Variants in CAMTA1 observed in about 807,000 individuals in gnomAD.
CAMTA1 encodes the protein calmodulin binding transcription activator 1.
Under a neutral mutation model 170.9 loss-of-function variants are expected in CAMTA1, and 27 were observed. The ratio of observed to expected loss-of-function variants is 0.16; its 90% confidence interval spans 0.12 to 0.22. The LOEUF is 0.22. CAMTA1 is among the 10% of genes least tolerant of loss of function. CAMTA1 has a pLI of 1.00. For synonymous variants in CAMTA1, 833 were observed against 891.5 expected (o/e 0.93, Z 1.17); for missense variants, 1,619 against 2,217.2 (o/e 0.73, Z 5.42).
At chr1:7,088,536 C>G (rs1248098056) in intron 3 of CAMTA1, among the ~76,000 whole-genome samples, 1 of 152,204 alleles carries the variant, frequency 6.6e-6, no homozygotes, top group Non-Finnish European at 1.5e-5. Context: ...GTAGAGTAAA[C>G]ACAGAAGGCA....
chr1:7,100,003 C>T (rs1048940981), intron 4 of CAMTA1, among the ~76,000 whole-genome samples: 4 of 152,098 alleles, frequency 2.6e-5, no homozygotes, highest in Non-Finnish European at 2.9e-5. Flanking sequence ...TCAGTGTAGA[C>T]GTGGGACCCC....
At chr1:7,267,036 C>G (rs58498093) in intron 5 of CAMTA1, among the ~76,000 whole-genome samples, 2,140 of 152,218 alleles carry the variant, frequency 0.014, 50 homozygotes, top group African/African-American at 0.049. Flanking sequence ...GGTAACTTTG[C>G]TTTATGCTGA....
chr1:7,456,142 T>C lies in CAMTA1; in HGVS notation c.439-11688T>C, dbSNP rs1278054665. ...CTGGTGAAGGGTGAGGGGGTACCCA[T>C]AACAGAGGGATGGAGGAAGGGAGGG... On this transcript the variant is annotated intron_variant, in intron 5 of 22. Transcript: ENST00000303635. The surrounding 1 kb of genome is among the most constrained non-coding windows in gnomAD (Gnocchi z 4.9). 7.2e-6 allele frequency among the ~76,000 whole-genome samples: 1 copy of C among 138,782 alleles called. No individual in the cohort carries two copies. Among genetic ancestry groups the C allele is most frequent in the East Asian group, 2.1e-4 (1 of 4,786 alleles). The allele number at this position is 138,782 out of a possible 152,430, so 91.0% of individuals were successfully genotyped here. A position where few individuals can be genotyped will look rare whatever the true frequency, so the allele number is the denominator to read the frequency against.
intron 3 of CAMTA1, among the ~76,000 whole-genome samples, chr1:6,844,321 CAAAT>C (rs1184704731): frequency 3.3e-5 from 5 of 152,028 alleles, no homozygotes; most frequent in African/African-American, 9.7e-5. Context: ...CACATACACA[CAAAT>C]ATATTTACAA....
At chr1:6,785,844 G>A (rs1639086191) in intron 1 of CAMTA1, among the ~76,000 whole-genome samples, 1 of 144,946 alleles carries the variant, frequency 6.9e-6, no homozygotes, top group African/African-American at 2.5e-5. Flanking sequence ...GGGGCTCGCG[G>A]GGCGGGGACC....
At chr1:6,977,427 A>G (rs1344639923) in intron 3 of CAMTA1, among the ~76,000 whole-genome samples, 2 of 150,888 alleles carry the variant, frequency 1.3e-5, no homozygotes, top group African/African-American at 4.9e-5. Context: ...TGCAACCTCC[A>G]CCTCCCAGGT....
At chr1:6,957,003 G>A (rs1689574296) in intron 3 of CAMTA1, among the ~76,000 whole-genome samples, 1 of 152,182 alleles carries the variant, frequency 6.6e-6, no homozygotes, top group Non-Finnish European at 1.5e-5. Flanking sequence ...GGGCTGCGAG[G>A]CCTGCCCTTC....
intron 1 of CAMTA1, among the ~76,000 whole-genome samples, chr1:6,791,963 GTTTCT>G (rs1428240477): frequency 1.3e-5 from 2 of 150,606 alleles, no homozygotes; most frequent in East Asian, 1.9e-4. Flanking sequence ...TAAGGAAAGT[GTTTCT>G]TTTCTTTTTT....
At chr1:6,996,544 GT>G (rs1697279428) in intron 3 of CAMTA1, among the ~76,000 whole-genome samples, 1 of 152,104 alleles carries the variant, frequency 6.6e-6, no homozygotes, top group South Asian at 2.1e-4. Flanking sequence ...CTTTTAGGGA[GT>G]TCCCCTTTCA....
At chr1:7,480,721 T>C (rs1016040452) in intron 6 of CAMTA1, among the ~76,000 whole-genome samples, 2 of 152,272 alleles carry the variant, frequency 1.3e-5, no homozygotes, top group East Asian at 3.9e-4. Flanking sequence ...GATGCTGGAC[T>C]ATCCCTGAGC....
At chr1:7,126,381 G>A (rs1033992628) in intron 4 of CAMTA1, among the ~76,000 whole-genome samples, 1 of 152,128 alleles carries the variant, frequency 6.6e-6, no homozygotes, top group South Asian at 2.1e-4. Context: ...CCTCTTTCCA[G>A]GCAGCTAATG....
chr1:6,857,594 G>A (rs1662926707), intron 3 of CAMTA1, among the ~76,000 whole-genome samples: 1 of 152,206 alleles, frequency 6.6e-6, no homozygotes, highest in Non-Finnish European at 1.5e-5. Context: ...AAGGACATGT[G>A]TTTTGTTTAC....
At chr1:7,104,369 T>TACAC (rs35873712) in intron 4 of CAMTA1, among the ~76,000 whole-genome samples, 24,082 of 150,896 alleles carry the variant, frequency 0.16, 2,103 homozygotes, top group Admixed American at 0.22. Flanking sequence ...TCAATACACA[T>TACAC]ACACACACAC....
In CAMTA1 at chr1:7,196,529, C is replaced by G. The variant is rs190294265; in HGVS notation, c.303-52962C>G. Among the ~76,000 whole-genome samples the G allele has an allele frequency of 3.3e-5, 5 of 152,292 alleles. No individual in the cohort carries two copies. In the East Asian group the frequency reaches 7.7e-4, roughly 24 times the overall value. On this transcript the variant is annotated intron_variant, in intron 4 of 22. Transcript: ENST00000303635. ...CACAGCGTGGCTGGAGGAAATCACTCTAAACGGGCTTCAGTGCACTAACAG... is the reference window on the plus strand; with the variant it reads ...CACAGCGTGGCTGGAGGAAATCACTGTAAACGGGCTTCAGTGCACTAACAG...
intron 6 of CAMTA1, among the ~76,000 whole-genome samples, chr1:7,619,189 G>A (rs939784325): frequency 3.9e-5 from 6 of 152,170 alleles, no homozygotes; most frequent in African/African-American, 1.4e-4. Flanking sequence ...CCATCACCAC[G>A]GAGCCATGCC....
At chr1:7,727,192 G>A (rs544964858) in intron 11 of CAMTA1, among the ~76,000 whole-genome samples, 4 of 147,246 alleles carry the variant, frequency 2.7e-5, no homozygotes, top group South Asian at 2.1e-4. Flanking sequence ...GCGCGATCTC[G>A]GCTCACTGCA....
At chr1:6,816,546 G>A (rs1645837770) in intron 1 of CAMTA1, among the ~76,000 whole-genome samples, 1 of 152,210 alleles carries the variant, frequency 6.6e-6, no homozygotes, top group Non-Finnish European at 1.5e-5. Context: ...AAGGGTGAGG[G>A]GTCTGAGTTG....
At chr1:7,461,450 C>A (rs1380995261) in intron 5 of CAMTA1, among the ~76,000 whole-genome samples, 1 of 152,256 alleles carries the variant, frequency 6.6e-6, no homozygotes, top group Non-Finnish European at 1.5e-5. Context: ...CTGTTGAGCA[C>A]TTGAAATGTG....
chr1:7,143,847 A>G (rs759949930), intron 4 of CAMTA1, among the ~76,000 whole-genome samples: 1 of 152,234 alleles, frequency 6.6e-6, no homozygotes, highest in Non-Finnish European at 1.5e-5. Context: ...TCATATGTCT[A>G]TACACTAAAG....
Sources: allele counts gnomAD v4.1 joint callset (sites outside exome capture counted in the v4.1 genomes callset), GRCh38; gene constraint gnomAD v4.1.1; non-coding constraint Gnocchi (gnomAD v3.1); transcripts MANE v1.5; gene names NCBI Gene and HGNC (gene_info 2026-07-23, HGNC 2026-07-21).